Variants in FAM20B observed in about 807,000 individuals in gnomAD.
FAM20B encodes the protein glycosaminoglycan xylosylkinase.
FAM20B carries 23 observed loss-of-function variants against 43.8 expected under a neutral mutation model. The observed-to-expected ratio is 0.53, with a 90% confidence interval of 0.38 to 0.74. The LOEUF is 0.74. Among genes scored for constraint, FAM20B ranks in the 30% least tolerant of loss-of-function variants. FAM20B has a pLI of 0.00. For synonymous variants in FAM20B, 178 were observed against 192.4 expected, an observed-to-expected ratio of 0.93 and a Z score of 0.62; for missense variants, 440 against 510.5, an observed-to-expected ratio of 0.86 and a Z score of 1.33.
chr1:179,055,006 A>G (rs1651150259), intron 4 of FAM20B, among the ~76,000 whole-genome samples: 1 of 152,204 alleles, frequency 6.6e-6, no homozygotes, highest in Admixed American at 6.6e-5. Context: ...CATATATAAT[A>G]TGTTTCCTCA....
At chr1:179,056,224 A>G (rs1422290276) in intron 4 of FAM20B, among the ~76,000 whole-genome samples, 1 of 152,158 alleles carries the variant, frequency 6.6e-6, no homozygotes, top group Non-Finnish European at 1.5e-5. Flanking sequence ...AATGACATGT[A>G]TACATCATTA....
upstream of FAM20B, among the ~76,000 whole-genome samples, chr1:179,022,901 G>T (rs1290378561): frequency 6.6e-6 from 1 of 152,182 alleles, no homozygotes; most frequent in Non-Finnish European, 1.5e-5. Flanking sequence ...GCTATGAAAG[G>T]CTTCATGAAC....
chr1:179,051,538 G>T (rs1651006317), intron 3 of FAM20B, among the ~76,000 whole-genome samples: 1 of 151,890 alleles, frequency 6.6e-6, no homozygotes, highest in South Asian at 2.1e-4. Flanking sequence ...GAGGAGGGAG[G>T]ATTGCTTGAG....
At chr1:179,034,602 A>C (rs779437477) in intron 1 of FAM20B, among the ~76,000 whole-genome samples, 4 of 152,336 alleles carry the variant, frequency 2.6e-5, no homozygotes, top group Non-Finnish European at 5.9e-5. Context: ...AAAAAATTCA[A>C]ATTCAAGTCT....
At chr1:179,044,360 T>TG in intron 2 of FAM20B, 136 bp downstream of exon 2, 1 of 945,704 alleles carries the variant, frequency 1.1e-6, no homozygotes, top group Non-Finnish European at 1.5e-6. Context: ...ATCTCTAAAG[T>TG]CTTTTCTAGC....
chr1:179,070,207 G>C (rs147267663), intron 7 of FAM20B, among the ~76,000 whole-genome samples: 3 of 151,434 alleles, frequency 2.0e-5, no homozygotes, highest in Non-Finnish European at 4.4e-5. Context: ...CACCATGCCC[G>C]GGTAATTTTT....
the FAM20B span, among the ~76,000 whole-genome samples, chr1:179,019,443 G>GTT: frequency 8.2e-4 from 118 of 144,660 alleles, 2 homozygotes; most frequent in East Asian, 0.017. Flanking sequence ...TTTCTTTCTG[G>GTT]TTTTTTTTTT....
Position 179,030,154 on chromosome 1 carries a change from C to A in FAM20B, c.-134+4056C>A, listed in dbSNP as rs151122254. Among the ~76,000 whole-genome samples, 938 of 152,226 alleles carry A rather than the reference C, an allele frequency of 6.2e-3. 10 individuals carry two copies. Among genetic ancestry groups the A allele is most frequent in the African/African-American group, 0.021 (870 of 41,548 alleles). ...GCTAAATTGGCTTAGTTATGTTCTA[C>A]CTGCTCTTCTCCAAGTTTTAGGGTA... On this transcript the variant is annotated intron_variant, in intron 1 of 7. Transcript: ENST00000263733.
At chr1:179,071,679 C>T (rs536650567) in intron 7 of FAM20B, among the ~76,000 whole-genome samples, 6 of 152,318 alleles carry the variant, frequency 3.9e-5, no homozygotes, top group African/African-American at 1.2e-4. Flanking sequence ...ATAAACAGCA[C>T]TGCAGTGAAC....
chr1:179,041,883 A>G (rs1239394150), intron 1 of FAM20B, among the ~76,000 whole-genome samples: 1 of 152,202 alleles, frequency 6.6e-6, no homozygotes, highest in Non-Finnish European at 1.5e-5. Context: ...TAAAAAAATG[A>G]AAGTTAAACA....
intron 7 of FAM20B, among the ~76,000 whole-genome samples, chr1:179,068,531 G>C (rs1029263183): frequency 2.0e-5 from 3 of 152,038 alleles, no homozygotes; most frequent in Non-Finnish European, 4.4e-5. Flanking sequence ...CACCTCCCAT[G>C]TTCAAGTGAT....
intron 1 of FAM20B, among the ~76,000 whole-genome samples, chr1:179,037,101 T>C (rs534262134): frequency 2.3e-4 from 35 of 152,360 alleles, no homozygotes; most frequent in African/African-American, 7.9e-4. Flanking sequence ...ACAGCTTTAA[T>C]GCCTTGCCAA....
At chr1:179,050,253 A>G in intron 2 of FAM20B, 26 bp from the exon 3 acceptor site, 1 of 1,546,866 alleles carries the variant, frequency 6.5e-7, no homozygotes. Flanking sequence ...CCACGTATAC[A>G]TCTGTGCTTC....
intron 2 of FAM20B, among the ~76,000 whole-genome samples, chr1:179,046,921 G>A (rs746016927): frequency 1.5e-4 from 23 of 152,060 alleles, no homozygotes; most frequent in South Asian, 4.2e-4. Flanking sequence ...GCTTGAACCC[G>A]GAGGCGGAGG....
At chr1:179,042,294 G>A (rs887295701) in intron 1 of FAM20B, among the ~76,000 whole-genome samples, 13 of 152,238 alleles carry the variant, frequency 8.5e-5, no homozygotes, top group African/African-American at 2.9e-4. Flanking sequence ...AGCCACGCAC[G>A]CTGGGGCTGC....
upstream of FAM20B, among the ~76,000 whole-genome samples, chr1:179,020,858 G>A (rs1294080156): frequency 1.3e-5 from 2 of 152,196 alleles, no homozygotes; most frequent in East Asian, 1.9e-4. Flanking sequence ...ATCGCTTGAA[G>A]TCAGGAGTTT....
At position 179,076,314 on chromosome 1, in the gene FAM20B, T is replaced by A. The variant is rs1029751250; in HGVS notation, c.*4170T>A. The A allele has an allele frequency of 6.6e-6, 1 of 152,164 alleles. No homozygotes were observed. The highest frequency in any genetic ancestry group is 2.4e-5 in the African/African-American group (1 of 41,418). The allele number at this position is 152,164 out of a possible 1,614,324, so 9.4% of individuals were successfully genotyped here. A position where few individuals can be genotyped will look rare whatever the true frequency, so the allele number is the denominator to read the frequency against. On this transcript the variant is annotated 3_prime_UTR_variant, in exon 8 of 8. Transcript: ENST00000263733. ...ACAGGTTTTTAGGAACTAAGGTGTT[T>A]CTCATAAACACAAAATGTTGGGTGA...
In FAM20B at chr1:179,072,254, A is replaced by G; in HGVS notation, c.*110A>G. On this transcript the variant is annotated 3_prime_UTR_variant, in exon 8 of 8. Transcript: ENST00000263733. The stretch of plus-strand genomic sequence containing the variant: ...AAGTGGCCAGCAGCAAGTTCTGGTG[A>G]CGGGACAGAGTGGCCTTGGATGTCT... The G allele has an allele frequency of 3.5e-6, 3 of 858,030 alleles. No homozygotes were observed. Among genetic ancestry groups the G allele is most frequent in the Non-Finnish European group, 5.5e-6 (3 of 549,358 alleles). The allele number at this position is 858,030 out of a possible 1,614,324, so 53.2% of individuals were successfully genotyped here. A position where few individuals can be genotyped will look rare whatever the true frequency, so the allele number is the denominator to read the frequency against.
intron 7 of FAM20B, among the ~76,000 whole-genome samples, chr1:179,071,574 T>G (rs951995234): frequency 1.3e-5 from 2 of 152,212 alleles, no homozygotes; most frequent in African/African-American, 4.8e-5. Flanking sequence ...CAAAATTGTT[T>G]TTAACAGCTG....
Sources: gnomAD v4.1 joint callset for allele counts (sites outside exome capture counted in the v4.1 genomes callset) on GRCh38, gnomAD v4.1.1 for gene constraint, MANE v1.5 for transcripts, NCBI Gene and HGNC (gene_info 2026-07-23, HGNC 2026-07-21) for gene names.